The following IQSEC2 variants were observed in gnomAD, a reference collection of about 807,000 sequenced individuals.
The protein encoded by IQSEC2 is IQ motif and Sec7 domain ArfGEF 2.
In IQSEC2, 6 loss-of-function variants were observed where a neutral mutation model predicts 74.6. The observed-to-expected ratio is 0.08, with a 90% confidence interval of 0.04 to 0.16. IQSEC2 has a LOEUF of 0.16. Ranked by LOEUF, IQSEC2 falls within the 10% of genes least tolerant of loss-of-function variation. The pLI, the probability that IQSEC2 is intolerant of heterozygous loss-of-function variation, is 1.00. For synonymous variants in IQSEC2, 494 were observed against 544.5 expected (o/e 0.91, Z 1.29); for missense variants, 734 against 1,306.2 (o/e 0.56, Z 6.75).
intron 2 of IQSEC2, among the ~76,000 whole-genome samples, chrX:53,280,800 G>A (rs1340688143): frequency 3.6e-5 from 4 of 111,745 alleles, no homozygotes; most frequent in South Asian, 3.8e-4. Context: ...CCAGTGCAGC[G>A]CAGATGCCAG....
At chrX:53,245,859 T>C (rs2074297391) in intron 8 of IQSEC2, among the ~76,000 whole-genome samples, 1 of 66,380 alleles carries the variant, frequency 1.5e-5, no homozygotes, top group Admixed American at 1.4e-4. Context: ...TCAATTGTTC[T>C]TTTTTTTTTT....
chrX:53,243,838 A>G (rs1417895943), intron 8 of IQSEC2, among the ~76,000 whole-genome samples: 12 of 112,645 alleles, frequency 1.1e-4, no homozygotes. Flanking sequence ...TAATTTGGCA[A>G]GAACCTAAAT....
chrX:53,274,504 C>T (rs782436555), intron 2 of IQSEC2, among the ~76,000 whole-genome samples: 1 of 90,448 alleles, frequency 1.1e-5, no homozygotes, highest in African/African-American at 4.3e-5. Flanking sequence ...CTCTGTTGCC[C>T]AGGCTGGAGT....
chrX:53,299,426 C>A (rs897973009), intron 1 of IQSEC2, among the ~76,000 whole-genome samples: 1 of 111,135 alleles, frequency 9.0e-6, no homozygotes, highest in Non-Finnish European at 1.9e-5. Context: ...CTTTTGGAGG[C>A]CTTTTTTTCT....
intron 1 of IQSEC2, among the ~76,000 whole-genome samples, chrX:53,302,080 C>T (rs1556875598): frequency 9.0e-6 from 1 of 111,721 alleles, no homozygotes; most frequent in East Asian, 2.8e-4. Flanking sequence ...AATAATAGCA[C>T]TAATATGATA....
intron 1 of IQSEC2, among the ~76,000 whole-genome samples, chrX:53,311,131 AAAAAG>A (rs1238397634): frequency 2.5e-4 from 24 of 95,981 alleles, no homozygotes; most frequent in East Asian, 1.0e-3. Context: ...CAAAAAAAAA[AAAAAG>A]AAAAGAAAAG....
intron 2 of IQSEC2, among the ~76,000 whole-genome samples, chrX:53,256,482 C>T (rs781949822): frequency 3.6e-5 from 4 of 110,701 alleles, no homozygotes; most frequent in South Asian, 3.9e-4. Context: ...TTGTCCCCAA[C>T]GCAGTGCTCG....
rs2146548006 is a variant in IQSEC2 at position 53,320,443 on chromosome X, G to A, written c.681C>T (p.Thr227=). 1 of 1,166,509 alleles carries A rather than the reference G, an allele frequency of 8.6e-7. No individual in the cohort carries two copies. The highest frequency in any genetic ancestry group is 2.6e-5 in the Admixed American group (1 of 38,866). Residue 227 remains threonine (T), a synonymous_variant, in exon 1 of 15, where the codon ACC becomes ACT. Transcript: ENST00000642864. ...AGGGHSTSTS[T]SPATTLQRKS... ...TTCTCTGGAGGGTCGTGGCCGGGCT[G>A]GTGCTGGTACTGGTGCTGTGGCCTC...
chrX:53,250,393 C>T lies in IQSEC2; in HGVS notation c.2183G>A (p.Gly728Asp). 2.5e-6 allele frequency: 3 copies of T among 1,211,722 alleles called. No individual in the cohort carries two copies. The highest frequency in any genetic ancestry group is 3.4e-6 in the Non-Finnish European group (3 of 895,292). ...CCGCTGGTAAGTCTGCTTGCACAGGCCGGTAGCCGGAGGCTCCCTTAGACT... is the reference window on the plus strand; with the variant it reads ...CCGCTGGTAAGTCTGCTTGCACAGGTCGGTAGCCGGAGGCTCCCTTAGACT... ...RDSLREPPAT[G>D]LCKQTYQRET... Residue 728 changes from glycine to aspartate, a missense_variant, in exon 5 of 15, where the codon GGC (glycine) becomes GAC (aspartate). Around this residue, in one of 12 missense-constraint regions of IQSEC2, gnomAD observed 204 missense variants for 305.4 expected, o/e 0.67. Coordinates refer to ENST00000642864, the MANE Select transcript of IQSEC2 (RefSeq NM_001111125.3).
chrX:53,238,389 C>CT (rs1242692911), intron 11 of IQSEC2, 83 bp from the exon 12 acceptor site: 49 of 949,394 alleles, frequency 5.2e-5, no homozygotes, highest in Non-Finnish European at 6.7e-5. Context: ...CTTTTCTGCT[C>CT]TTTTTTTTCT....
downstream of IQSEC2, chrX:53,229,090 T>C: frequency 8.9e-6 from 1 of 112,137 alleles, no homozygotes; most frequent in East Asian, 2.8e-4. Context: ...CTCAAACCTT[T>C]GCAAAATAAA....
intron 4 of IQSEC2, among the ~76,000 whole-genome samples, chrX:53,251,664 T>C (rs2074393990): frequency 8.9e-6 from 1 of 112,311 alleles, no homozygotes; most frequent in African/African-American, 3.2e-5. Flanking sequence ...CCCTGCCTCC[T>C]GGTATTCACA....
intron 2 of IQSEC2, among the ~76,000 whole-genome samples, chrX:53,291,514 G>C (rs1220085144): frequency 9.0e-6 from 1 of 111,108 alleles, no homozygotes; most frequent in Non-Finnish European, 1.9e-5. Flanking sequence ...AGGGTGGAAA[G>C]TGAACGCTAG....
At chrX:53,243,182 C>G (rs2074250968) in intron 9 of IQSEC2, 150 bp downstream of exon 9, 1 of 472,130 alleles carries the variant, frequency 2.1e-6, no homozygotes. Context: ...TGCATTCACT[C>G]TGCACCACAG....
chrX:53,252,164 G>A (rs1349125300), intron 4 of IQSEC2, among the ~76,000 whole-genome samples: 4 of 111,868 alleles, frequency 3.6e-5, no homozygotes, highest in Admixed American at 9.4e-5. Context: ...AGGTTCAAGC[G>A]ATTCTCCTTC....
In IQSEC2 at chrX:53,256,081, T is replaced by A. The variant is rs2074463447; in HGVS notation, c.738-20A>T. 1 of 1,148,336 alleles carries A rather than the reference T, an allele frequency of 8.7e-7. No homozygotes were observed. Among genetic ancestry groups the A allele is most frequent in the Non-Finnish European group, 1.2e-6 (1 of 863,123 alleles). 94.6% of individuals were successfully genotyped at this position (1,148,336 alleles called of 1,213,427 possible). A position where few individuals can be genotyped will look rare whatever the true frequency, so the allele number is the denominator to read the frequency against. ...TCCACACTGTGGGGATGAGATAAGA[T>A]GAGCCAGGATGTGGGGACAGGACAG... On this transcript the variant is annotated intron_variant, in intron 2 of 14. Transcript: ENST00000642864.
chrX:53,244,237 GA>G (rs1281350382), intron 8 of IQSEC2, among the ~76,000 whole-genome samples: 1 of 102,132 alleles, frequency 9.8e-6, no homozygotes, highest in African/African-American at 3.6e-5. Flanking sequence ...AAAAGAAAAA[GA>G]AAAAAAAGAA....
At chrX:53,265,151 G>A (rs2074635771) in intron 2 of IQSEC2, among the ~76,000 whole-genome samples, 1 of 110,828 alleles carries the variant, frequency 9.0e-6, no homozygotes, top group Non-Finnish European at 1.9e-5. Flanking sequence ...TGAGTAGAAT[G>A]AGGAAGAGTA....
intron 2 of IQSEC2, among the ~76,000 whole-genome samples, chrX:53,271,053 T>A (rs921897036): frequency 4.6e-5 from 5 of 109,715 alleles, no homozygotes; most frequent in South Asian, 7.7e-4. Context: ...AAAAAAAAAA[T>A]AAAATAAAAT....
Sources: allele counts gnomAD v4.1 joint callset (sites outside exome capture counted in the v4.1 genomes callset), GRCh38; gene constraint gnomAD v4.1.1; regional missense constraint gnomAD v4.1.1; transcripts MANE v1.5; gene names NCBI Gene and HGNC (gene_info 2026-07-23, HGNC 2026-07-21).